The following PEBP4 variants were observed in gnomAD, a reference collection of about 807,000 sequenced individuals.
PEBP4 encodes phosphatidylethanolamine binding protein 4.
PEBP4 carries 22 observed loss-of-function variants against 23.9 expected under a neutral mutation model. The observed-to-expected ratio is 0.92, with a 90% CI of 0.66 to 1.31. The LOEUF (loss-of-function observed/expected upper bound fraction) is 1.31, where lower values mean the gene tolerates loss of function less well. Ranked by LOEUF, PEBP4 falls within the 40% of genes most tolerant of loss-of-function variation. PEBP4 has a pLI of 0.00. For missense variants in PEBP4, 324 were observed against 281.7 expected (o/e 1.15, Z -1.07); for synonymous variants, 112 against 99.3 (o/e 1.13, Z -0.76).
rs140574605 is a variant in PEBP4 at position 22,822,354 on chromosome 8, A to AGC, written c.259-4620_259-4619insGC. 9.9e-3 allele frequency among the ~76,000 whole-genome samples: 1,465 copies of AGC among 147,850 alleles called. 20 individuals are homozygous for AGC. The highest frequency in any genetic ancestry group is 0.015 in the Non-Finnish European group (999 of 66,880). Reference sequence around the variant, plus strand: ...GGTGAAAAGAAGGAATATATACTAAAGTGTGTGTGTGTGTGTGTGTGTGTA... The same window carrying AGC: ...GGTGAAAAGAAGGAATATATACTAAAGCGTGTGTGTGTGTGTGTGTGTGTGTA... On this transcript the variant is annotated intron_variant, in intron 3 of 6. Coordinates refer to ENST00000256404, the MANE Select transcript of PEBP4 (RefSeq NM_144962.3).
chr8:22,833,748 C>A (rs551706948), intron 3 of PEBP4, among the ~76,000 whole-genome samples: 212 of 152,328 alleles, frequency 1.4e-3, no homozygotes, highest in African/African-American at 4.9e-3. Context: ...AATGGTCTCA[C>A]CCCTGCCTTA....
chr8:22,798,500 A>G (rs1806310620), intron 4 of PEBP4: 1 of 153,358 alleles, frequency 6.5e-6, no homozygotes, highest in Non-Finnish European at 1.5e-5. Context: ...TAAGTTGTTC[A>G]AACTTGCTCA....
chr8:22,780,396 C>T (rs568585015), intron 4 of PEBP4, among the ~76,000 whole-genome samples: 1 of 152,136 alleles, frequency 6.6e-6, no homozygotes, highest in Non-Finnish European at 1.5e-5. Flanking sequence ...TGGAGTAGCT[C>T]GTACCTTGAG....
At chr8:22,809,148 T>C (rs1302066026) in intron 4 of PEBP4, among the ~76,000 whole-genome samples, 2 of 152,186 alleles carry the variant, frequency 1.3e-5, no homozygotes, top group African/African-American at 4.8e-5. Flanking sequence ...TAGCAACTAC[T>C]AAGCACCAGG....
At chr8:22,751,294 G>A (rs1805251209) in intron 4 of PEBP4, among the ~76,000 whole-genome samples, 1 of 152,148 alleles carries the variant, frequency 6.6e-6, no homozygotes, top group African/African-American at 2.4e-5. Flanking sequence ...ATGCCTGGGA[G>A]AGACCCGTGA....
In PEBP4 at chr8:22,847,115, T is replaced by C. The variant is rs532714333; in HGVS notation, c.259-29380A>G. ...CAATCCACACCCCCAAAACAAGTCA[T>C]TTTTCTTTACGTTATTCCTTGACTA... On this transcript the variant is annotated intron_variant, in intron 3 of 6. Coordinates refer to ENST00000256404, the MANE Select transcript of PEBP4 (RefSeq NM_144962.3). Among the ~76,000 whole-genome samples the C allele has an allele frequency of 7.2e-5, 11 of 152,316 alleles. No individual in the cohort carries two copies. In the East Asian group the frequency reaches 2.1e-3, roughly 29 times the overall value.
chr8:22,922,142 TGTCTC>T (rs1386511266), intron 2 of PEBP4, among the ~76,000 whole-genome samples: 2 of 152,238 alleles, frequency 1.3e-5, no homozygotes, highest in African/African-American at 4.8e-5. Flanking sequence ...ATTTGGGTCT[TGTCTC>T]TGTCCCTCTC....
rs150536492 is a variant in PEBP4 at position 22,792,073 on chromosome 8, G to A, written c.357+25564C>T. 9.9e-3 allele frequency among the ~76,000 whole-genome samples: 1,493 copies of A among 151,478 alleles called. 25 individuals carry two copies. The highest frequency in any genetic ancestry group is 0.068 in the South Asian group (325 of 4,784). The stretch of plus-strand genomic sequence containing the variant: ...AGGGTCTCACTATGTTGCCCAGGCT[G>A]GTCTGGAATTCCTGAGCTCAAGGGA... On this transcript the variant is annotated intron_variant, in intron 4 of 6. Transcript: ENST00000256404.
intron 4 of PEBP4, among the ~76,000 whole-genome samples, chr8:22,739,343 A>G (rs1804940634): frequency 6.6e-6 from 1 of 152,116 alleles, no homozygotes; most frequent in African/African-American, 2.4e-5. Context: ...GGCTTGAGAA[A>G]CTGCAACTCA....
intron 4 of PEBP4, among the ~76,000 whole-genome samples, chr8:22,753,795 C>G (rs1200726186): frequency 1.3e-5 from 2 of 152,210 alleles, no homozygotes; most frequent in African/African-American, 4.8e-5. Context: ...CTTCCCCGCC[C>G]TTGTGTGGGA....
intron 4 of PEBP4, among the ~76,000 whole-genome samples, chr8:22,779,398 G>T (rs1380174207): frequency 6.6e-6 from 1 of 152,174 alleles, no homozygotes; most frequent in Admixed American, 6.5e-5. Flanking sequence ...AGGTGGTCAA[G>T]GGAGAGGTCC....
At chr8:22,788,743 C>G (rs1051658090) in intron 4 of PEBP4, among the ~76,000 whole-genome samples, 1 of 152,198 alleles carries the variant, frequency 6.6e-6, no homozygotes, top group African/African-American at 2.4e-5. Context: ...TTTTAGTTAA[C>G]ATGTACCAAA....
intron 4 of PEBP4, among the ~76,000 whole-genome samples, chr8:22,813,319 A>G (rs570790376): frequency 3.0e-4 from 45 of 152,306 alleles, no homozygotes; most frequent in Admixed American, 9.2e-4. Context: ...TTCAGGGCAA[A>G]TTTTAGAATC....
At chr8:22,727,078 G>T in intron 5 of PEBP4, 97 bp downstream of exon 5, 2 of 1,365,148 alleles carry the variant, frequency 1.5e-6, no homozygotes, top group Non-Finnish European at 2.1e-6. Flanking sequence ...TCTCAGGCTG[G>T]TGCTAGCACA....
intron 2 of PEBP4, among the ~76,000 whole-genome samples, chr8:22,926,178 G>A (rs1000020429): frequency 3.3e-5 from 5 of 151,660 alleles, no homozygotes; most frequent in South Asian, 2.1e-4. Context: ...GGGTTTCACC[G>A]TGTTGGTCAG....
At chr8:22,935,861 G>C (rs570666043) in intron 1 of PEBP4, among the ~76,000 whole-genome samples, 54 of 152,108 alleles carry the variant, frequency 3.6e-4, no homozygotes, top group Admixed American at 2.9e-3. Flanking sequence ...TTCGATAAGG[G>C]AAACAACTGG....
rs1805638058 is a variant in PEBP4 at position 22,767,724 on chromosome 8, C to A, written c.358-40504G>T. Reference sequence around the variant, plus strand: ...TAACCATTAAATTGTATGCTTAAGACCTATGTACTTGATGTATGTACTTGT... The same window carrying A: ...TAACCATTAAATTGTATGCTTAAGAACTATGTACTTGATGTATGTACTTGT... On this transcript the variant is annotated intron_variant, in intron 4 of 6. Coordinates refer to ENST00000256404, the MANE Select transcript of PEBP4 (RefSeq NM_144962.3). 1.3e-5 allele frequency among the ~76,000 whole-genome samples: 2 copies of A among 151,796 alleles called. 1 individual carries two copies. The highest frequency in any genetic ancestry group is 4.2e-4 in the South Asian group (2 of 4,808).
rs573360222 is a variant in PEBP4 at position 22,775,481 on chromosome 8, G to T, written c.357+42156C>A. Reference sequence around the variant, plus strand: ...CCGTGGGTGGTGTTCACGTATGGAGGGGGGGGATTTCTTTTTAAGAGACAA... The same window carrying T: ...CCGTGGGTGGTGTTCACGTATGGAGTGGGGGGATTTCTTTTTAAGAGACAA... On this transcript the variant is annotated intron_variant, in intron 4 of 6. Coordinates refer to ENST00000256404, the MANE Select transcript of PEBP4 (RefSeq NM_144962.3). This position sits in a 1 kb window ranked among gnomAD's most constrained non-coding sequence, Gnocchi z 4.8. Among the ~76,000 whole-genome samples the T allele has an allele frequency of 1.3e-5, 2 of 152,124 alleles. No homozygotes were observed. Among genetic ancestry groups the T allele is most frequent in the Non-Finnish European group, 2.9e-5 (2 of 68,008 alleles).
At chr8:22,729,047 A>G (rs908005695) in intron 4 of PEBP4, among the ~76,000 whole-genome samples, 7 of 151,664 alleles carry the variant, frequency 4.6e-5, no homozygotes, top group Non-Finnish European at 8.8e-5. Flanking sequence ...CAGTCCCCCA[A>G]CTCCCCGCAT....
Sources: allele counts gnomAD v4.1 joint callset (sites outside exome capture counted in the v4.1 genomes callset), GRCh38; gene constraint gnomAD v4.1.1; non-coding constraint Gnocchi (gnomAD v3.1); transcripts MANE v1.5; gene names NCBI Gene and HGNC (gene_info 2026-07-23, HGNC 2026-07-21).